The following FRS2 variants were observed in gnomAD, a reference collection of about 807,000 sequenced individuals.
FRS2 encodes the protein FGFR signalling adaptor.
Under a neutral mutation model 43.9 loss-of-function variants are expected in FRS2, and 8 were observed. The ratio of observed to expected loss-of-function variants is 0.18; its 90% CI spans 0.11 to 0.33. The LOEUF (loss-of-function observed/expected upper bound fraction) is 0.33, where lower values mean the gene tolerates loss of function less well. Among genes scored for constraint, FRS2 ranks in the 10% least tolerant of loss-of-function variants. FRS2 has a pLI of 1.00. For missense variants in FRS2, 534 were observed against 627.6 expected (o/e 0.85, Z 1.59); for synonymous variants, 219 against 220.3 (o/e 0.99, Z 0.05).
intron 4 of FRS2, among the ~76,000 whole-genome samples, chr12:69,565,522 C>T (rs1880217372): frequency 6.6e-6 from 1 of 152,152 alleles, no homozygotes; most frequent in Non-Finnish European, 1.5e-5. Context: ...AAAACACACA[C>T]ATTCTACAGC....
At chr12:69,534,653 T>C (rs568043604) in intron 3 of FRS2, among the ~76,000 whole-genome samples, 1 of 152,272 alleles carries the variant, frequency 6.6e-6, no homozygotes, top group African/African-American at 2.4e-5. Flanking sequence ...GGAAGGAATG[T>C]GGTGTGATTA....
At chr12:69,527,529 T>A (rs1232838654) in intron 1 of FRS2, among the ~76,000 whole-genome samples, 1 of 151,966 alleles carries the variant, frequency 6.6e-6, no homozygotes, top group Non-Finnish European at 1.5e-5. Context: ...ATGTTATTCC[T>A]ATGGCACAAA....
At chr12:69,545,734 C>T (rs1445990541) in intron 3 of FRS2, among the ~76,000 whole-genome samples, 11 of 126,458 alleles carry the variant, frequency 8.7e-5, no homozygotes, top group East Asian at 2.4e-4. Flanking sequence ...CCAGCCTGGG[C>T]GACAGTGTGA....
At chr12:69,484,619 C>G (rs921846798) in intron 1 of FRS2, among the ~76,000 whole-genome samples, 1 of 152,194 alleles carries the variant, frequency 6.6e-6, no homozygotes, top group African/African-American at 2.4e-5. Context: ...TGGTACCATG[C>G]CAGCACCTCA....
intron 1 of FRS2, among the ~76,000 whole-genome samples, chr12:69,503,836 A>G (rs1304545684): frequency 1.3e-5 from 2 of 152,252 alleles, no homozygotes; most frequent in Non-Finnish European, 2.9e-5. Flanking sequence ...GCCATTTTAT[A>G]GAAATGAGAA....
chr12:69,563,258 G>C (rs953149659), intron 4 of FRS2, among the ~76,000 whole-genome samples: 1 of 152,068 alleles, frequency 6.6e-6, no homozygotes, highest in African/African-American at 2.4e-5. Context: ...AGAGTTTGTG[G>C]TTTAGGAGAA....
intron 1 of FRS2, among the ~76,000 whole-genome samples, chr12:69,500,152 G>C (rs1468287077): frequency 2.0e-5 from 3 of 151,636 alleles, no homozygotes; most frequent in Non-Finnish European, 4.4e-5. Context: ...CGAAATAATG[G>C]TATTAACTTT....
chr12:69,524,874 G>A (rs1876043536), intron 1 of FRS2, among the ~76,000 whole-genome samples: 1 of 152,130 alleles, frequency 6.6e-6, no homozygotes, highest in Non-Finnish European at 1.5e-5. Flanking sequence ...GTGAGAGCAG[G>A]TTGCTCCTTG....
At chr12:69,485,130 C>T (rs1369543288) in intron 1 of FRS2, among the ~76,000 whole-genome samples, 1 of 149,644 alleles carries the variant, frequency 6.7e-6, no homozygotes, top group African/African-American at 2.5e-5. Context: ...CACACACACA[C>T]ACACACTCTC....
intron 3 of FRS2, among the ~76,000 whole-genome samples, chr12:69,537,195 G>T (rs1415708322): frequency 6.6e-6 from 1 of 151,978 alleles, no homozygotes; most frequent in Non-Finnish European, 1.5e-5. Context: ...CTTAGTTTTG[G>T]CATATTCTTC....
At chr12:69,565,092 A>G (rs1880179285) in intron 4 of FRS2, among the ~76,000 whole-genome samples, 2 of 152,224 alleles carry the variant, frequency 1.3e-5, no homozygotes, top group Non-Finnish European at 2.9e-5. Context: ...CCTACTATAC[A>G]CCTAGGATAT....
At chr12:69,536,696 A>C (rs1366681743) in intron 3 of FRS2, among the ~76,000 whole-genome samples, 1 of 151,552 alleles carries the variant, frequency 6.6e-6, no homozygotes, top group Non-Finnish European at 1.5e-5. Context: ...TCAGCCTCTC[A>C]AGTAGCTGGG....
At chr12:69,534,420 G>T (rs142833077) in intron 3 of FRS2, among the ~76,000 whole-genome samples, 1 of 152,244 alleles carries the variant, frequency 6.6e-6, no homozygotes, top group African/African-American at 2.4e-5. Flanking sequence ...TTGCTGCCAC[G>T]TAACAAAAGT....
rs79852569 is a variant in FRS2 at position 69,553,732 on chromosome 12, G to C, written c.-121-8448G>C. 1.5e-3 allele frequency among the ~76,000 whole-genome samples: 222 copies of C among 152,306 alleles called. 2 individuals are homozygous for C. Among genetic ancestry groups the C allele is most frequent in the Non-Finnish European group, 1.6e-3 (108 of 68,022 alleles). On this transcript the variant is annotated intron_variant, in intron 3 of 8. Coordinates refer to ENST00000549921, the MANE Select transcript of FRS2 (RefSeq NM_001278356.2). ...ACCAGGGTGCCATTTTTAGGCCTTA[G>C]GGCTAAGGAATGGGCGTAGGTGGTA...
chr12:69,477,251 T>C (rs1369383589), intron 1 of FRS2, among the ~76,000 whole-genome samples: 5 of 151,290 alleles, frequency 3.3e-5, no homozygotes, highest in South Asian at 4.2e-4. Context: ...CTTACATGCA[T>C]GTCGACAGTA....
At chr12:69,477,958 G>A (rs1280695853) in intron 1 of FRS2, among the ~76,000 whole-genome samples, 1 of 151,274 alleles carries the variant, frequency 6.6e-6, no homozygotes, top group African/African-American at 2.4e-5. Flanking sequence ...AGCCAGGATG[G>A]TCTCAATCTC....
intron 1 of FRS2, among the ~76,000 whole-genome samples, chr12:69,508,342 T>G (rs1731063677): frequency 6.6e-6 from 1 of 152,160 alleles, no homozygotes; most frequent in Non-Finnish European, 1.5e-5. Flanking sequence ...ATACGGCATT[T>G]AAGGAGTGGT....
chr12:69,524,282 A>T (rs1323507071), intron 1 of FRS2, among the ~76,000 whole-genome samples: 1 of 152,020 alleles, frequency 6.6e-6, no homozygotes, highest in African/African-American at 2.4e-5. Context: ...CAGGGTGCAG[A>T]CACCCTGGCT....
intron 1 of FRS2, among the ~76,000 whole-genome samples, chr12:69,481,599 C>T (rs755541259): frequency 1.4e-4 from 22 of 152,222 alleles, no homozygotes; most frequent in African/African-American, 3.9e-4. Context: ...AGAAATTTAA[C>T]GTTGATACGG....
Sources: allele counts gnomAD v4.1 joint callset (sites outside exome capture counted in the v4.1 genomes callset), GRCh38; gene constraint gnomAD v4.1.1; transcripts MANE v1.5; gene names NCBI Gene and HGNC (gene_info 2026-07-23, HGNC 2026-07-21).